SYNE2: variants seen among roughly 807,000 people sequenced by gnomAD.
SYNE2 encodes the protein spectrin repeat containing nuclear envelope protein 2.
SYNE2 carries 431 observed loss-of-function variants against 856.3 expected under a neutral mutation model. That is an observed-to-expected ratio of 0.50 (90% CI 0.47 to 0.55). The LOEUF is 0.55. SYNE2 is among the 20% of genes least tolerant of loss of function. The pLI is 0.00. For missense variants in SYNE2, 8,129 were observed against 8,023.2 expected (o/e 1.01, Z -0.50); for synonymous variants, 2,923 against 2,872.3 (o/e 1.02, Z -0.56).
chr14:64,086,984 A>G (rs2097567578), intron 57 of SYNE2, among the ~76,000 whole-genome samples: 1 of 151,200 alleles, frequency 6.6e-6, no homozygotes, highest in African/African-American at 2.4e-5. Context: ...TGCTGGAATT[A>G]TAGGCAGGAG....
Position 63,981,023 on chromosome 14 carries a change from G to C in SYNE2, c.1686G>C (p.Met562Ile), listed in dbSNP as rs753088672. 1 of 1,571,634 alleles carries C rather than the reference G, an allele frequency of 6.4e-7. No homozygotes were observed. Among genetic ancestry groups the C allele is most frequent in the Non-Finnish European group, 8.8e-7 (1 of 1,142,684 alleles). The change falls in exon 16 of 116, where the codon ATG becomes ATC. Residue 562 changes from methionine (M) to isoleucine (I), a missense_variant. Coordinates refer to ENST00000555002, the MANE Select transcript of SYNE2 (RefSeq NM_182914.3). ...ECQNINKQYM[M>I]VKSDVCMYRK... ...AGAATATTAATAAACAGTATATGAT[G>C]GTGAAATCTGATGTTTGTATGTATA...
At position 63,814,942 on chromosome 14, in the gene SYNE2, A is replaced by G. The variant is rs1227828132; in HGVS notation, c.-304-37559A>G. Among the ~76,000 whole-genome samples, 3 of 142,454 alleles carry G rather than the reference A, an allele frequency of 2.1e-5. No homozygotes were observed. The East Asian group carries it at 6.2e-4, about 30-fold the overall frequency. The allele number at this position is 142,454 out of a possible 152,430, so 93.5% of individuals were successfully genotyped here. A position where few individuals can be genotyped will look rare whatever the true frequency, so the allele number is the denominator to read the frequency against. On this transcript the variant is annotated intron_variant, in intron 1 of 23. Transcript: ENST00000674003. ...TATCTATCCATATATCTATCCATAT[A>G]TATCTATCCATATATATCCATATAT...
chr14:64,202,130 G>A (rs887420592), intron 99 of SYNE2: 10 of 698,384 alleles, frequency 1.4e-5, no homozygotes, highest in Non-Finnish European at 2.6e-5. Flanking sequence ...ACTGGCGAGG[G>A]AGATCACATT....
chr14:64,038,725 C>T lies in SYNE2; in HGVS notation c.7221+7368C>T, dbSNP rs575521251. 6.7e-4 allele frequency among the ~76,000 whole-genome samples: 102 copies of T among 152,344 alleles called. 1 individual carries two copies. The highest frequency in any genetic ancestry group is 2.3e-3 in the African/African-American group (94 of 41,578). ...AGGCGTGGCGGCGGGCGCCTGCAAT[C>T]GCAGGCATTCAGCAGGCTGAGGCAG... On this transcript the variant is annotated intron_variant, in intron 45 of 115. Transcript: ENST00000555002.
chr14:64,126,502 A>G (rs757366143), intron 72 of SYNE2, 23 bp downstream of exon 72: 1 of 1,614,132 alleles, frequency 6.2e-7, no homozygotes, highest in South Asian at 1.1e-5. Flanking sequence ...TCACGAGCCC[A>G]TGTGTTGGCC....
chr14:63,982,711 A>G lies in SYNE2; in HGVS notation c.1918A>G (p.Asn640Asp). Residue 640 changes from asparagine (N) to aspartate (D), a missense_variant, in exon 17 of 116, where the codon AAT becomes GAT. This residue lies in a region of SYNE2 where 2,422 missense variants were observed against 2,357.4 expected (regional missense o/e 1.03). Coordinates refer to ENST00000555002, the MANE Select transcript of SYNE2 (RefSeq NM_182914.3). ...EAGNFLVEVS[N>D]DVVGSSISKE... The stretch of plus-strand genomic sequence containing the variant: ...AGGAAATTTCTTAGTCGAAGTCAGC[A>G]ATGATGTGGTTGGATCATCTATTTC... The G allele has an allele frequency of 6.2e-7, 1 of 1,614,092 alleles. No individual in the cohort carries two copies. Among genetic ancestry groups the G allele is most frequent in the Middle Eastern group, 1.6e-4 (1 of 6,062 alleles).
intron 57 of SYNE2, chr14:64,087,384 A>G: frequency 1.7e-6 from 1 of 577,460 alleles, no homozygotes; most frequent in South Asian, 1.4e-5. Flanking sequence ...TATTATGTAT[A>G]ATAAAAGACA....
In SYNE2 at chr14:64,142,042, C is replaced by T; in HGVS notation, c.15260C>T (p.Ser5087Leu). Residue 5087 changes from serine to leucine, a missense_variant, in exon 82 of 116, where the codon TCA (serine) becomes TTA (leucine). By Grantham distance (145) the Ser-to-Leu change is moderately radical. Transcript: ENST00000555002. ...ACTTCAGATGAAGACTCCGTGCATTCACCAAGTTCTGCATCTCAAGTTAAA... is the reference window on the plus strand; with the variant it reads ...ACTTCAGATGAAGACTCCGTGCATTTACCAAGTTCTGCATCTCAAGTTAAA... ...HQTSDEDSVH[S>L]PSSASQVKHL... 1.9e-6 allele frequency: 3 copies of T among 1,613,984 alleles called. No homozygotes were observed. The highest frequency in any genetic ancestry group is 1.7e-5 in the Admixed American group (1 of 60,004).
chr14:64,105,720 A>G (rs763735276), intron 64 of SYNE2, among the ~76,000 whole-genome samples: 4 of 152,214 alleles, frequency 2.6e-5, no homozygotes, highest in Non-Finnish European at 5.9e-5. Context: ...ATCAAAGTAT[A>G]TATCCATTTA....
At chr14:64,100,549 T>G (rs1444939773) in intron 63 of SYNE2, among the ~76,000 whole-genome samples, 1 of 97,816 alleles carries the variant, frequency 1.0e-5, no homozygotes, top group African/African-American at 4.7e-5. Context: ...TATATATATA[T>G]ATATATATAT....
At chr14:63,991,143 A>G (rs1029152742) in intron 21 of SYNE2, 28 bp downstream of exon 21, 8 of 1,610,850 alleles carry the variant, frequency 5.0e-6, no homozygotes, top group Middle Eastern at 1.6e-4. Context: ...CATCAAATGT[A>G]GGACATTATT....
intron 1 of SYNE2, among the ~76,000 whole-genome samples, chr14:63,882,883 T>C (rs1348946708): frequency 6.6e-6 from 1 of 152,152 alleles, no homozygotes; most frequent in East Asian, 1.9e-4. Context: ...CCATGAGCCT[T>C]GGTTTCATCT....
chr14:63,886,485 G>A (rs2094988943), intron 1 of SYNE2, among the ~76,000 whole-genome samples: 1 of 152,140 alleles, frequency 6.6e-6, no homozygotes, highest in Non-Finnish European at 1.5e-5. Flanking sequence ...GTAAAACAAT[G>A]TAATTTTAAG....
chr14:64,003,434 C>T, intron 30 of SYNE2, 104 bp downstream of exon 30: 1 of 1,401,312 alleles, frequency 7.1e-7, no homozygotes, highest in Non-Finnish European at 1.0e-6. Context: ...TGCTTCTATT[C>T]CATCCCACTC....
intron 2 of SYNE2, among the ~76,000 whole-genome samples, chr14:63,912,375 G>A (rs543826794): frequency 1.7e-4 from 26 of 152,202 alleles, no homozygotes; most frequent in Non-Finnish European, 2.6e-4. Flanking sequence ...AATATTATCT[G>A]CATGAAGTAC....
chr14:63,914,177 C>G (rs1337915196), intron 2 of SYNE2, among the ~76,000 whole-genome samples: 4 of 152,098 alleles, frequency 2.6e-5, no homozygotes, highest in Non-Finnish European at 4.4e-5. Flanking sequence ...CTGAGCCCTT[C>G]GGGTGGGAAA....
chr14:63,904,838 TG>T (rs1251269888), intron 1 of SYNE2, among the ~76,000 whole-genome samples: 3 of 152,208 alleles, frequency 2.0e-5, no homozygotes, highest in African/African-American at 7.2e-5. Flanking sequence ...TTTTGTTTTT[TG>T]TTGCTTTTGC....
chr14:63,852,912 G>A (rs531002235), upstream of SYNE2: 278 of 151,986 alleles, frequency 1.8e-3, 3 homozygotes, highest in South Asian at 7.2e-3. Context: ...GGCCGCCGAG[G>A]GGCGAGCGCG....
intron 87 of SYNE2, among the ~76,000 whole-genome samples, 174 bp downstream of exon 87, chr14:64,159,616 G>A (rs1427272015): frequency 6.6e-6 from 1 of 152,106 alleles, no homozygotes; most frequent in Admixed American, 6.5e-5. Context: ...TATGTCATGA[G>A]GGCTGTGACA....
Sources: gnomAD v4.1 joint callset for allele counts (sites outside exome capture counted in the v4.1 genomes callset) on GRCh38, gnomAD v4.1.1 for gene constraint, gnomAD v4.1.1 regional missense constraint, MANE v1.5 for transcripts, NCBI Gene and HGNC (gene_info 2026-07-23, HGNC 2026-07-21) for gene names.